The following SLC10A6 variants were observed in gnomAD, a reference collection of about 807,000 sequenced individuals.
The protein encoded by SLC10A6 is sodium-dependent organic anion transporter.
In SLC10A6, 27 loss-of-function variants were observed where a neutral mutation model predicts 30.0. The ratio of observed to expected loss-of-function variants is 0.90; its 90% CI spans 0.66 to 1.24. The LOEUF (loss-of-function observed/expected upper bound fraction) is 1.24. Ranked by LOEUF, SLC10A6 falls within the 50% of genes most tolerant of loss-of-function variation. The pLI, the probability that SLC10A6 is intolerant of heterozygous loss-of-function variation, is 0.00. For synonymous variants in SLC10A6, 166 were observed against 173.8 expected, an observed-to-expected ratio of 0.95 and a Z score of 0.36; for missense variants, 439 against 457.0, an observed-to-expected ratio of 0.96 and a Z score of 0.36.
rs781365802 is a variant in SLC10A6, at chr4:86,848,781, G to A, written c.335C>T (p.Ser112Phe). The change falls in exon 1 of 6, where the codon TCT (serine) becomes TTT (phenylalanine). Residue 112 changes from serine (S) to phenylalanine (F), a missense_variant. By Grantham distance (155) the Ser-to-Phe change is radical. Coordinates refer to ENST00000273905, the MANE Select transcript of SLC10A6 (RefSeq NM_197965.3). The part of the protein sequence containing the change: ...IMGCCPGGTI[S>F]NIFTFWVDGD... ...ATCAACCCAGAAGGTGAAAATGTTA[G>A]AGATGGTGCCCCCCGGGCAGCAGCC... 3 of 1,609,478 alleles carry A rather than the reference G, an allele frequency of 1.9e-6. No homozygotes were observed. Among genetic ancestry groups the A allele is most frequent in the African/African-American group, 2.7e-5 (2 of 74,786 alleles).
chr4:86,839,834 G>A (rs912026844), intron 1 of SLC10A6, among the ~76,000 whole-genome samples: 2 of 151,802 alleles, frequency 1.3e-5, no homozygotes, highest in Non-Finnish European at 2.9e-5. Flanking sequence ...TGCCTACTCC[G>A]GATGTGATCA....
intron 4 of SLC10A6, among the ~76,000 whole-genome samples, chr4:86,827,777 C>A (rs1002478748): frequency 2.0e-5 from 3 of 152,072 alleles, no homozygotes; most frequent in African/African-American, 7.2e-5. Context: ...TTATCTCTTC[C>A]TATCAATTTG....
chr4:86,830,308 G>A (rs1249635764), intron 3 of SLC10A6, among the ~76,000 whole-genome samples: 1 of 152,194 alleles, frequency 6.6e-6, no homozygotes, highest in Non-Finnish European at 1.5e-5. Context: ...TGAGATGGGA[G>A]CATCATTTGA....
chr4:86,828,108 C>T lies in SLC10A6; in HGVS notation c.646G>A (p.Ala216Thr), dbSNP rs773507929. ...ATGTCTGAATTCCAAGATCCTTTCG[C>T]CAGGACCACACCAGCAACTGCGACC... ...LVVAVAGVVLAKGSWNSDITL... is the reference protein window; with the variant it reads ...LVVAVAGVVLTKGSWNSDITL... Residue 216 changes from alanine to threonine, a missense_variant, in exon 4 of 6, where the codon GCG (alanine) becomes ACG (threonine). By Grantham distance (58) the Ala-to-Thr change is moderately conservative. Transcript: ENST00000273905. 32 of 1,613,654 alleles carry T rather than the reference C, an allele frequency of 2.0e-5. No homozygotes were observed. The highest frequency in any genetic ancestry group is 2.6e-5 in the Non-Finnish European group (31 of 1,179,832).
At chr4:86,824,092 T>C (rs1290934994) in intron 5 of SLC10A6, among the ~76,000 whole-genome samples, 190 bp from the exon 6 acceptor site, 1 of 152,206 alleles carries the variant, frequency 6.6e-6, no homozygotes, top group Admixed American at 6.5e-5. Context: ...AATGGCTCTT[T>C]TGTCTGGATG....
rs1746321057 is a variant in SLC10A6 at position 86,842,836 on chromosome 4, T to C, written c.377+5903A>G. The stretch of plus-strand genomic sequence containing the variant: ...TTTCTTTCTTTCTTTCTTTCTTTCT[T>C]TCTTTCTTTCTTTCTTTCTTTCTTT... On this transcript the variant is annotated intron_variant, in intron 1 of 5. Transcript: ENST00000273905. 5.5e-5 allele frequency among the ~76,000 whole-genome samples: 3 copies of C among 54,188 alleles called. No homozygotes were observed. The African/African-American group carries it at 5.8e-4, about 10-fold the overall frequency. 35.5% of individuals were successfully genotyped at this position (54,188 alleles called of 152,430 possible). A position where few individuals can be genotyped will look rare whatever the true frequency, so the allele number is the denominator to read the frequency against.
chr4:86,848,065 C>T (rs1746422227), intron 1 of SLC10A6, among the ~76,000 whole-genome samples: 1 of 152,090 alleles, frequency 6.6e-6, no homozygotes, highest in Non-Finnish European at 1.5e-5. Context: ...TTTATCTACA[C>T]CATAATTGGG....
chr4:86,844,810 G>A (rs536185972), intron 1 of SLC10A6, among the ~76,000 whole-genome samples: 2 of 152,322 alleles, frequency 1.3e-5, no homozygotes, highest in Admixed American at 6.5e-5. Context: ...GAGGTCTCAG[G>A]AAACTTACAA....
intron 1 of SLC10A6, among the ~76,000 whole-genome samples, chr4:86,839,779 T>C (rs1746259508): frequency 6.6e-6 from 1 of 152,224 alleles, no homozygotes; most frequent in Non-Finnish European, 1.5e-5. Flanking sequence ...TTTTAATATA[T>C]ACTTTCAGAC....
Position 86,849,063 on chromosome 4 carries a change from T to C in SLC10A6, c.53A>G (p.Glu18Gly), listed in dbSNP as rs1195241421. Residue 18 changes from glutamate to glycine, a missense_variant, in exon 1 of 6, where the codon GAG (glutamate) becomes GGG (glycine). Physicochemically the swap from Glu to Gly is moderately conservative, Grantham distance 98. Coordinates refer to ENST00000273905, the MANE Select transcript of SLC10A6 (RefSeq NM_197965.3). ...SSACPANSSE[E>G]ELPVGLEVHG... ...CACCTCCAGTCCCACTGGCAGCTCC[T>C]CCTCTGAACTGTTGGCAGGGCAGGC... 6.2e-7 allele frequency: 1 copy of C among 1,614,108 alleles called. No homozygotes were observed. Among genetic ancestry groups the C allele is most frequent in the Non-Finnish European group, 8.5e-7 (1 of 1,180,000 alleles).
chr4:86,831,822 T>C lies in SLC10A6; in HGVS notation c.555A>G (p.Arg185=), dbSNP rs781484346. The change falls in exon 3 of 6, where the codon AGA becomes AGG. Residue 185 remains arginine (R), a synonymous_variant. Transcript: ENST00000273905. ...PVAFGVYVNY[R]WPKQSKIILK... ...GAATGATTTTGGATTGTTTTGGCCA[T>C]CTGTAATTCACATAGACACCAAAGG... is the stretch of plus-strand genomic sequence containing the variant. 1.2e-6 allele frequency: 2 copies of C among 1,613,514 alleles called. No homozygotes were observed. The highest frequency in any genetic ancestry group is 1.1e-5 in the South Asian group (1 of 90,998).
Position 86,845,496 on chromosome 4 carries a change from G to A in SLC10A6, c.377+3243C>T, listed in dbSNP as rs572599397. ...TCGTTTTCTCCTAACAGTACCATGC[G>A]GGTAATGTTATGATTTCCAGTTACA... On this transcript the variant is annotated intron_variant, in intron 1 of 5. Transcript: ENST00000273905. Among the ~76,000 whole-genome samples the A allele has an allele frequency of 2.7e-4, 41 of 152,230 alleles. 1 individual carries two copies. The East Asian group carries it at 5.6e-3, about 21-fold the overall frequency.
At chr4:86,843,197 T>C (rs977681162) in intron 1 of SLC10A6, among the ~76,000 whole-genome samples, 2 of 151,464 alleles carry the variant, frequency 1.3e-5, no homozygotes, top group African/African-American at 4.9e-5. Flanking sequence ...GTTGTTTTTG[T>C]AATACACACA....
rs1462624712 is a variant in SLC10A6, at chr4:86,823,792, A to C, written c.1030T>G (p.Phe344Val). 4 of 1,614,210 alleles carry C rather than the reference A, an allele frequency of 2.5e-6. No homozygotes were observed. In the South Asian group the frequency reaches 3.3e-5, roughly 13 times the overall value. ...GCACCTTCTTCATTCACCTCCAAGA[A>C]GGCATTGGTCTCTCTGGAAGAAGTC... is the stretch of plus-strand genomic sequence containing the variant. ...KSTSSRETNA[F>V]LEVNEEGAIT... The change falls in exon 6 of 6, where the codon TTC (phenylalanine) becomes GTC (valine). Residue 344 changes from phenylalanine to valine, a missense_variant. Physicochemically the swap from Phe to Val is conservative, Grantham distance 50 (BLOSUM62 -1). Transcript: ENST00000273905.
chr4:86,827,102 G>A (rs2149410426), intron 4 of SLC10A6, among the ~76,000 whole-genome samples: 1 of 152,304 alleles, frequency 6.6e-6, no homozygotes, highest in African/African-American at 2.4e-5. Context: ...CACCATTCAT[G>A]AGCCAAATCT....
At chr4:86,826,095 GA>G (rs1745995167) in intron 4 of SLC10A6, among the ~76,000 whole-genome samples, 1 of 152,168 alleles carries the variant, frequency 6.6e-6, no homozygotes, top group African/African-American at 2.4e-5. Context: ...TTGAGTTAGA[GA>G]TATGATGCAG....
chr4:86,842,874 C>CTTTCTTTCTTTCTTTT (rs1560461934), intron 1 of SLC10A6, among the ~76,000 whole-genome samples: 6 of 42,766 alleles, frequency 1.4e-4, no homozygotes, highest in Admixed American at 2.1e-4. Flanking sequence ...TTCTTTCTTT[C>CTTTCTTTCTTTCTTTT]TTTTTTTTTT....
chr4:86,834,520 T>C (rs978788324), intron 1 of SLC10A6, among the ~76,000 whole-genome samples: 1 of 152,262 alleles, frequency 6.6e-6, no homozygotes, highest in African/African-American at 2.4e-5. Context: ...GTATATTGAA[T>C]CAACCTTGCA....
rs1746116697 is a variant in SLC10A6, at chr4:86,833,243, A to G, written c.496+63T>C. On this transcript the variant is annotated intron_variant, in intron 2 of 5. Coordinates refer to ENST00000273905, the MANE Select transcript of SLC10A6 (RefSeq NM_197965.3). The stretch of plus-strand genomic sequence containing the variant: ...CTGCATAAAGAGTTATATAATTAAG[A>G]ACAGCTATTATTAGTATCATCACCA... 4 of 1,272,212 alleles carry G rather than the reference A, an allele frequency of 3.1e-6. No individual in the cohort carries two copies. In the African/African-American group the frequency reaches 5.9e-5, roughly 19 times the overall value. The allele number at this position is 1,272,212 out of a possible 1,614,324, so 78.8% of individuals were successfully genotyped here.
Sources: gnomAD v4.1 joint callset for allele counts (sites outside exome capture counted in the v4.1 genomes callset) on GRCh38, gnomAD v4.1.1 for gene constraint, MANE v1.5 for transcripts, NCBI Gene and HGNC (gene_info 2026-07-23, HGNC 2026-07-21) for gene names.